Variants in EXOC6B observed in about 807,000 individuals in gnomAD.
The protein encoded by EXOC6B is exocyst complex component 6B, also known as SEC15 homolog B.
In EXOC6B, 54 loss-of-function variants were observed where a neutral mutation model predicts 113.5. That is an observed-to-expected ratio of 0.48 (90% CI 0.38 to 0.60). The LOEUF (loss-of-function observed/expected upper bound fraction) is 0.60. EXOC6B is among the 20% of genes least tolerant of loss of function. EXOC6B has a pLI of 0.00. For synonymous variants in EXOC6B, 357 were observed against 339.0 expected, an observed-to-expected ratio of 1.05 and a Z score of -0.58; for missense variants, 797 against 977.5, an observed-to-expected ratio of 0.82 and a Z score of 2.46.
chr2:72,230,354 G>C (rs1681540235), intron 20 of EXOC6B, among the ~76,000 whole-genome samples: 1 of 152,168 alleles, frequency 6.6e-6, no homozygotes, highest in South Asian at 2.1e-4. Context: ...AGAACTAGTA[G>C]AAAGACAAGA....
At chr2:72,561,081 C>A (rs138273681) in intron 7 of EXOC6B, among the ~76,000 whole-genome samples, 102 of 152,106 alleles carry the variant, frequency 6.7e-4, no homozygotes, top group African/African-American at 2.4e-3. Context: ...TCTCCTCTTT[C>A]GGACTGCAAA....
intron 1 of EXOC6B, among the ~76,000 whole-genome samples, chr2:72,777,325 G>A (rs1683764772): frequency 6.6e-6 from 1 of 152,106 alleles, no homozygotes; most frequent in Non-Finnish European, 1.5e-5. Flanking sequence ...TCCTCAATAA[G>A]ATGAACAGCA....
At chr2:72,242,309 A>G (rs2104510961) in intron 20 of EXOC6B, among the ~76,000 whole-genome samples, 1 of 152,366 alleles carries the variant, frequency 6.6e-6, no homozygotes, top group Non-Finnish European at 1.5e-5. Flanking sequence ...TGTATTCAGC[A>G]ACTATAGTTA....
Position 72,353,075 on chromosome 2 carries a change from A to G in EXOC6B, c.2123-18055T>C, listed in dbSNP as rs890444363. The stretch of plus-strand genomic sequence containing the variant: ...TATGAACATTAGGACTTTGGCCTAC[A>G]TGGGTGAAAGGAAGAACAAATGGCT... On this transcript the variant is annotated intron_variant, in intron 19 of 21. Transcript: ENST00000272427. Among the ~76,000 whole-genome samples, 4 of 152,160 alleles carry G rather than the reference A, an allele frequency of 2.6e-5. No individual in the cohort carries two copies. The East Asian group carries it at 7.7e-4, about 29-fold the overall frequency.
At chr2:72,794,316 C>T (rs536745109) in intron 1 of EXOC6B, among the ~76,000 whole-genome samples, 1 of 152,154 alleles carries the variant, frequency 6.6e-6, no homozygotes, top group Non-Finnish European at 1.5e-5. Context: ...ATCAGCTGCT[C>T]TGAAATGATA....
At chr2:72,398,727 T>TACACACACACACACAC (rs60055732) in intron 18 of EXOC6B, among the ~76,000 whole-genome samples, 13 of 138,994 alleles carry the variant, frequency 9.4e-5, no homozygotes, top group African/African-American at 3.5e-4. Flanking sequence ...TCTCTCTGTC[T>TACACACACACACACAC]ACACACACAC....
At chr2:72,638,473 G>C (rs1050281635) in intron 6 of EXOC6B, among the ~76,000 whole-genome samples, 6 of 152,142 alleles carry the variant, frequency 3.9e-5, no homozygotes, top group African/African-American at 1.4e-4. Flanking sequence ...TCTGAGAGAA[G>C]GTACCGAGAG....
chr2:72,284,639 A>G (rs1456020294), intron 20 of EXOC6B, among the ~76,000 whole-genome samples: 2 of 152,020 alleles, frequency 1.3e-5, no homozygotes, highest in Non-Finnish European at 2.9e-5. Flanking sequence ...AATAAGACAA[A>G]AAAGGAAATA....
chr2:72,678,729 GAGC>G (rs1254090147), intron 6 of EXOC6B, among the ~76,000 whole-genome samples: 3 of 152,040 alleles, frequency 2.0e-5, no homozygotes, highest in Non-Finnish European at 4.4e-5. Context: ...AAAGGAAATG[GAGC>G]AGACTGATAG....
chr2:72,724,566 GAA>G (rs1179035523), intron 5 of EXOC6B, among the ~76,000 whole-genome samples: 1 of 151,910 alleles, frequency 6.6e-6, no homozygotes. Flanking sequence ...TTCTGGACAT[GAA>G]AAGAAGCAAA....
intron 6 of EXOC6B, among the ~76,000 whole-genome samples, chr2:72,621,109 T>C (rs948382377): frequency 6.6e-6 from 1 of 152,024 alleles, no homozygotes; most frequent in Non-Finnish European, 1.5e-5. Context: ...TCAAATAACT[T>C]AAAGTAGAGT....
At chr2:72,328,069 C>A (rs191335360) in intron 20 of EXOC6B, among the ~76,000 whole-genome samples, 1 of 152,224 alleles carries the variant, frequency 6.6e-6, no homozygotes, top group East Asian at 1.9e-4. Flanking sequence ...ACAGAACCAT[C>A]CCCAGAAGCT....
intron 2 of EXOC6B, among the ~76,000 whole-genome samples, chr2:72,738,191 G>A (rs868400372): frequency 6.6e-6 from 1 of 152,058 alleles, no homozygotes; most frequent in Non-Finnish European, 1.5e-5. Flanking sequence ...ATCAGAAATT[G>A]TTCTCAATTT....
At chr2:72,458,675 A>G (rs1188843973) in intron 18 of EXOC6B, among the ~76,000 whole-genome samples, 1 of 152,130 alleles carries the variant, frequency 6.6e-6, no homozygotes, top group Non-Finnish European at 1.5e-5. Flanking sequence ...AATAAACAAA[A>G]GAGGGGGAAA....
chr2:72,232,694 T>C (rs773574789), intron 20 of EXOC6B, among the ~76,000 whole-genome samples: 3 of 152,244 alleles, frequency 2.0e-5, no homozygotes, highest in Non-Finnish European at 2.9e-5. Flanking sequence ...CACAAATCTA[T>C]GTAAATAATA....
chr2:72,408,933 T>C (rs993370601), intron 18 of EXOC6B, among the ~76,000 whole-genome samples: 1 of 152,024 alleles, frequency 6.6e-6, no homozygotes, highest in Admixed American at 6.6e-5. Context: ...ACAGGCAACC[T>C]ACAAAATGGG....
intron 6 of EXOC6B, among the ~76,000 whole-genome samples, chr2:72,671,598 T>C (rs1261192584): frequency 6.6e-6 from 1 of 151,790 alleles, no homozygotes; most frequent in African/African-American, 2.4e-5. Flanking sequence ...CTCGGGAGCC[T>C]GAGGCAGAAG....
intron 6 of EXOC6B, among the ~76,000 whole-genome samples, chr2:72,694,341 CT>C (rs1400103857): frequency 6.6e-6 from 1 of 152,136 alleles, no homozygotes; most frequent in Non-Finnish European, 1.5e-5. Flanking sequence ...ACTCAGGAAA[CT>C]GAGGCAGGAG....
At chr2:72,426,884 G>A (rs1490283408) in intron 18 of EXOC6B, among the ~76,000 whole-genome samples, 1 of 152,252 alleles carries the variant, frequency 6.6e-6, no homozygotes, top group African/African-American at 2.4e-5. Flanking sequence ...GCAAGCAGTG[G>A]CTGCAGGGGC....
Sources: allele counts gnomAD v4.1 joint callset (sites outside exome capture counted in the v4.1 genomes callset), GRCh38; gene constraint gnomAD v4.1.1; transcripts MANE v1.5; gene names NCBI Gene and HGNC (gene_info 2026-07-23, HGNC 2026-07-21).